The following SAXO5 variants were observed in gnomAD, a reference collection of about 807,000 sequenced individuals.
SAXO5 encodes testis expressed 45.
At chr19:7,504,098 C>A in the SAXO5 span, 17 of 1,536,898 alleles carry the variant, frequency 1.1e-5, no homozygotes, top group Admixed American at 5.1e-5. Flanking sequence ...CTCTCTCCCC[C>A]CATCCCCCTT....
the SAXO5 span, chr19:7,506,925 AT>A: frequency 4.5e-6 from 3 of 665,464 alleles, no homozygotes; most frequent in Non-Finnish European, 5.3e-6. Flanking sequence ...CTCCTAATCC[AT>A]TTTTCTCCCC....
At chr19:7,506,824 G>A in the SAXO5 span, 2 of 315,242 alleles carry the variant, frequency 6.3e-6, no homozygotes, top group East Asian at 1.4e-4. Context: ...CTCTTCCCCA[G>A]CGCCTACCTC....
At chr19:7,501,313 A>C in the SAXO5 span, 10 of 1,571,074 alleles carry the variant, frequency 6.4e-6, no homozygotes, top group African/African-American at 1.3e-4. Context: ...GACCGCGACA[A>C]GTTGCGCATC....
At chr19:7,508,445 A>G in the SAXO5 span, 1 of 1,598,742 alleles carries the variant, frequency 6.3e-7, no homozygotes, top group Non-Finnish European at 8.5e-7. Context: ...CATCTTGGCA[A>G]CATTCCACTC....
the SAXO5 span, among the ~76,000 whole-genome samples, chr19:7,500,240 G>A: frequency 2.0e-5 from 3 of 151,998 alleles, no homozygotes; most frequent in Non-Finnish European, 4.4e-5. Context: ...CCTAGAGTAG[G>A]GACAGAAATC....
chr19:7,508,106 C>T, the SAXO5 span: 1 of 969,624 alleles, frequency 1.0e-6, no homozygotes, highest in Non-Finnish European at 1.6e-6. Context: ...CCTGCCTGGC[C>T]CCGCCCCCTG....
chr19:7,501,413 C>T, the SAXO5 span: 7 of 1,467,936 alleles, frequency 4.8e-6, no homozygotes, highest in Non-Finnish European at 6.2e-6. Context: ...AGCGCGCGCC[C>T]GGGCTGAGTG....
chr19:7,501,383 G>C, the SAXO5 span: 1 of 1,502,142 alleles, frequency 6.7e-7, no homozygotes, highest in Non-Finnish European at 8.8e-7. Flanking sequence ...AGCCTCGCGC[G>C]CCCAGTTGCC....
the SAXO5 span, among the ~76,000 whole-genome samples, chr19:7,503,715 C>T: frequency 4.6e-5 from 7 of 152,222 alleles, no homozygotes; most frequent in African/African-American, 1.4e-4. Context: ...GAACTCCTGA[C>T]CTCAGGTGAT....
chr19:7,505,323 G>C, the SAXO5 span: 1 of 1,613,800 alleles, frequency 6.2e-7, no homozygotes, highest in Non-Finnish European at 8.5e-7. Context: ...ACTACGTACA[G>C]GTATGACAAG....
chr19:7,501,141 G>T, the SAXO5 span: 20 of 1,508,178 alleles, frequency 1.3e-5, no homozygotes, highest in Non-Finnish European at 1.8e-5. Flanking sequence ...ACGCACGCTC[G>T]CCATGCAGGC....
chr19:7,508,177 C>T, the SAXO5 span: 1 of 1,600,540 alleles, frequency 6.2e-7, no homozygotes, highest in Non-Finnish European at 8.5e-7. Context: ...CCAGGCTGCC[C>T]TGCCAGGCTG....
the SAXO5 span, chr19:7,506,952 C>G: frequency 1.1e-6 from 1 of 888,866 alleles, no homozygotes; most frequent in African/African-American, 1.6e-5. Context: ...AACTTCAGCG[C>G]TGGCCTGGGC....
At chr19:7,500,293 C>T in the SAXO5 span, among the ~76,000 whole-genome samples, 2 of 151,476 alleles carry the variant, frequency 1.3e-5, no homozygotes, top group African/African-American at 4.8e-5. Flanking sequence ...CAGTAGGCAC[C>T]ACATGAAAGA....
At chr19:7,504,054 A>G in the SAXO5 span, 12 of 1,130,656 alleles carry the variant, frequency 1.1e-5, no homozygotes, top group Admixed American at 2.4e-4. Context: ...TTCCTTCCAG[A>G]GGGCTTGAGA....
chr19:7,506,151 C>T, the SAXO5 span: 26 of 1,606,596 alleles, frequency 1.6e-5, no homozygotes, highest in South Asian at 2.2e-4. Context: ...AGCTACCTGC[C>T]GCGGGGCACG....
the SAXO5 span, chr19:7,508,319 T>C: frequency 6.2e-7 from 1 of 1,613,964 alleles, no homozygotes; most frequent in Non-Finnish European, 8.5e-7. Context: ...GACTGAAAAA[T>C]CCTCAGGAGG....
chr19:7,506,426 T>G, the SAXO5 span: 2 of 496,958 alleles, frequency 4.0e-6, no homozygotes, highest in Non-Finnish European at 3.6e-6. Flanking sequence ...TCCTGGATAA[T>G]CCCGCCCCTT....
the SAXO5 span, chr19:7,506,511 C>T: frequency 7.6e-6 from 3 of 396,582 alleles, no homozygotes; most frequent in Admixed American, 3.8e-5. Context: ...CTCTCTTATC[C>T]AGTCTTAACT....
Sources: gnomAD v4.1 joint callset for allele counts (sites outside exome capture counted in the v4.1 genomes callset) on GRCh38, gnomAD v4.1.1 for gene constraint, MANE v1.5 for transcripts, NCBI Gene and HGNC (gene_info 2026-07-23, HGNC 2026-07-21) for gene names.